The following RGS13 variants were observed in gnomAD, a reference collection of about 807,000 sequenced individuals.
RGS13 encodes the protein regulator of G protein signaling 13.
RGS13 carries 14 observed loss-of-function variants against 19.9 expected under a neutral mutation model. That is an observed-to-expected ratio of 0.70 (90% CI 0.46 to 1.10). The LOEUF (loss-of-function observed/expected upper bound fraction) is 1.10, where lower values mean the gene tolerates loss of function less well. RGS13 is among the 50% of genes least tolerant of loss of function. The pLI is 0.00. For missense variants in RGS13, 205 were observed against 187.1 expected (o/e 1.10, Z -0.56); for synonymous variants, 60 against 56.8 (o/e 1.06, Z -0.25).
rs73060179 is a variant in RGS13, at chr1:192,658,863, G to C, written c.295-475G>C. 719 of 159,334 alleles carry C rather than the reference G, an allele frequency of 4.5e-3. 8 individuals carry two copies. The highest frequency in any genetic ancestry group is 0.017 in the African/African-American group (705 of 41,694). 9.9% of individuals were successfully genotyped at this position (159,334 alleles called of 1,614,324 possible). A position where few individuals can be genotyped will look rare whatever the true frequency, so the allele number is the denominator to read the frequency against. On this transcript the variant is annotated intron_variant, in intron 6 of 6. Transcript: ENST00000391995. ...AGAACTCTTGTCTGGAAAATACTTG[G>C]TTTATTGAAATAGCCACTTCTCCCC...
chr1:192,647,839 C>G (rs1038109839), intron 4 of RGS13, 87 bp from the exon 5 acceptor site: 16 of 734,670 alleles, frequency 2.2e-5, no homozygotes, highest in Middle Eastern at 3.2e-4. Context: ...ATTTTGGTGT[C>G]ATTTTCAAGA....
chr1:192,650,601 G>T (rs1663319551), intron 5 of RGS13, among the ~76,000 whole-genome samples: 1 of 151,948 alleles, frequency 6.6e-6, no homozygotes, highest in Non-Finnish European at 1.5e-5. Context: ...AACCGAAATT[G>T]GTTTAGAGAC....
intron 1 of RGS13, 90 bp from the exon 2 acceptor site, chr1:192,637,500 T>A (rs1392228493): frequency 6.6e-6 from 1 of 151,962 alleles, no homozygotes; most frequent in Non-Finnish European, 1.5e-5. Flanking sequence ...TTAAGAGCAT[T>A]TACAGTAATC....
At chr1:192,645,544 C>T (rs1663203881) in intron 4 of RGS13, 1 of 152,098 alleles carries the variant, frequency 6.6e-6, no homozygotes, top group Non-Finnish European at 1.5e-5. Flanking sequence ...GTCAGAGACT[C>T]CAAACATTCT....
intron 5 of RGS13, among the ~76,000 whole-genome samples, chr1:192,657,917 C>T (rs1163133383): frequency 6.6e-6 from 1 of 152,250 alleles, no homozygotes; most frequent in South Asian, 2.1e-4. Flanking sequence ...GTGATGTCTC[C>T]TGTCCTATCT....
At chr1:192,638,394 A>G (rs1171457088) in intron 3 of RGS13, among the ~76,000 whole-genome samples, 191 bp downstream of exon 3, 1 of 151,696 alleles carries the variant, frequency 6.6e-6, no homozygotes, top group Non-Finnish European at 1.5e-5. Flanking sequence ...GGTCAATCTG[A>G]CCTTTTGTAC....
intron 1 of RGS13, among the ~76,000 whole-genome samples, chr1:192,637,169 A>G (rs1663030756): frequency 6.6e-6 from 1 of 151,926 alleles, no homozygotes; most frequent in Non-Finnish European, 1.5e-5. Flanking sequence ...TCAAATAATT[A>G]TCAGGAGAAA....
At position 192,658,225 on chromosome 1, in the gene RGS13, AT is replaced by A. The variant is rs779898260; in HGVS notation, c.155del (p.Leu52Ter). ...TKYGPVVYAA[Y>X]LKMEHSDENI... ...GATGGTCCAGTAGTCTATGCAGCAT[AT>A]TTAAAAATGGAGCACAGTGACGAGA... On this transcript the variant is annotated frameshift_variant, in exon 6 of 7. Transcript: ENST00000391995. LOFTEE classifies it high-confidence loss of function. 139 of 1,613,098 alleles carry A rather than the reference AT, an allele frequency of 8.6e-5. No individual in the cohort carries two copies. The highest frequency in any genetic ancestry group is 1.2e-4 in the Non-Finnish European group (137 of 1,179,508).
Position 192,644,129 on chromosome 1 carries a change from T to C in RGS13, c.-4-202T>C, listed in dbSNP as rs1571580480. ...AGTCATTTACAAATCTAAGCACGTA[T>C]ATTTTTATAAAATATTTATGAGAGA... On this transcript the variant is annotated intron_variant, in intron 3 of 6. Coordinates refer to ENST00000391995, the MANE Select transcript of RGS13 (RefSeq NM_002927.5). 3.3e-5 allele frequency among the ~76,000 whole-genome samples: 5 copies of C among 152,170 alleles called. No homozygotes were observed. The South Asian group carries it at 1.0e-3, about 32-fold the overall frequency.
At chr1:192,641,911 C>T (rs1663129474) in intron 3 of RGS13, among the ~76,000 whole-genome samples, 1 of 152,080 alleles carries the variant, frequency 6.6e-6, no homozygotes, top group Admixed American at 6.6e-5. Flanking sequence ...TCAACAAGTT[C>T]TAATAGTTCT....
At chr1:192,648,269 C>T (rs1443383436) in intron 5 of RGS13, among the ~76,000 whole-genome samples, 2 of 152,118 alleles carry the variant, frequency 1.3e-5, no homozygotes, top group Non-Finnish European at 2.9e-5. Flanking sequence ...ATACCATAGC[C>T]TTCTAAAGTT....
intron 5 of RGS13, among the ~76,000 whole-genome samples, chr1:192,656,284 C>G (rs16834594): frequency 0.033 from 4,983 of 151,920 alleles, 247 homozygotes; most frequent in African/African-American, 0.11. Context: ...TAGCTAAGTA[C>G]AAACCATATA....
chr1:192,654,493 T>G (rs1346436910), intron 5 of RGS13, among the ~76,000 whole-genome samples: 1 of 151,900 alleles, frequency 6.6e-6, no homozygotes, highest in Non-Finnish European at 1.5e-5. Context: ...AACAGAGAAT[T>G]TTAATAAAAC....
At chr1:192,639,342 T>C (rs1289761579) in intron 3 of RGS13, among the ~76,000 whole-genome samples, 2 of 120,690 alleles carry the variant, frequency 1.7e-5, no homozygotes, top group Admixed American at 1.8e-4. Flanking sequence ...GCCTGAGCTC[T>C]TCTGGCAGCC....
intron 3 of RGS13, among the ~76,000 whole-genome samples, chr1:192,639,479 C>T (rs1300060321): frequency 6.6e-6 from 1 of 151,832 alleles, no homozygotes; most frequent in Admixed American, 6.6e-5. Flanking sequence ...AACATGGGAA[C>T]AACAAAAATG....
At chr1:192,654,715 C>T (rs1473563553) in intron 5 of RGS13, among the ~76,000 whole-genome samples, 1 of 152,034 alleles carries the variant, frequency 6.6e-6, no homozygotes, top group African/African-American at 2.4e-5. Flanking sequence ...GGCCACTGTT[C>T]TGACTCAGCC....
chr1:192,659,355 G>A lies in RGS13; in HGVS notation c.312G>A (p.Ser104=), dbSNP rs149936703. The change falls in exon 7 of 7, where the codon TCG becomes TCA. Residue 104 remains serine (S), a synonymous_variant. Coordinates refer to ENST00000391995, the MANE Select transcript of RGS13 (RefSeq NM_002927.5). ...CTTTTCAGATTAACATTGACAGTTC[G>A]ACAAGAGAGACTATCATCAGGAACA... ...QSPREINIDS[S]TRETIIRNIQ... is the part of the protein sequence containing the mutation. The A allele has an allele frequency of 2.4e-4, 380 of 1,611,074 alleles. 1 individual carries two copies. The highest frequency in any genetic ancestry group is 4.4e-4 in the African/African-American group (33 of 74,786).
intron 5 of RGS13, among the ~76,000 whole-genome samples, chr1:192,654,782 G>A (rs1469717043): frequency 6.6e-6 from 1 of 152,034 alleles, no homozygotes; most frequent in Non-Finnish European, 1.5e-5. Context: ...GTCACCTTGT[G>A]TGTCATAGAA....
chr1:192,655,375 G>A (rs1350670997), intron 5 of RGS13, among the ~76,000 whole-genome samples: 1 of 152,154 alleles, frequency 6.6e-6, no homozygotes, highest in African/African-American at 2.4e-5. Flanking sequence ...CATTAATAAA[G>A]GTTCACTTCT....
Sources: gnomAD v4.1 joint callset for allele counts (sites outside exome capture counted in the v4.1 genomes callset) on GRCh38, gnomAD v4.1.1 for gene constraint, MANE v1.5 for transcripts, NCBI Gene and HGNC (gene_info 2026-07-23, HGNC 2026-07-21) for gene names.